ANKRD12: variants seen among roughly 807,000 people sequenced by gnomAD.
ANKRD12 encodes the protein ankyrin repeat domain 12.
A neutral mutation model predicts 183.4 loss-of-function variants in ANKRD12; 85 were observed. The observed-to-expected ratio is 0.46, with a 90% confidence interval of 0.39 to 0.56. The LOEUF (loss-of-function observed/expected upper bound fraction) is 0.56, where lower values mean the gene tolerates loss of function less well. ANKRD12 is among the 20% of genes least tolerant of loss of function. The pLI is 0.00. For synonymous variants in ANKRD12, 914 were observed against 800.2 expected, an observed-to-expected ratio of 1.14 and a Z score of -2.40; for missense variants, 2,405 against 2,357.1, an observed-to-expected ratio of 1.02 and a Z score of -0.42.
chr18:9,168,313 C>T (rs963335874), intron 1 of ANKRD12, among the ~76,000 whole-genome samples: 1 of 151,322 alleles, frequency 6.6e-6, no homozygotes, highest in Non-Finnish European at 1.5e-5. Context: ...CCTCCTTGTA[C>T]CTCTGGTAGA....
chr18:9,223,269 T>G (rs1340834702), intron 8 of ANKRD12, among the ~76,000 whole-genome samples: 3 of 151,722 alleles, frequency 2.0e-5, no homozygotes, highest in African/African-American at 7.2e-5. Flanking sequence ...CTTTTTTTTT[T>G]TTGAGGTGGA....
chr18:9,244,984 A>G (rs1417339994), intron 8 of ANKRD12, among the ~76,000 whole-genome samples: 1 of 152,142 alleles, frequency 6.6e-6, no homozygotes, highest in Non-Finnish European at 1.5e-5. Flanking sequence ...GTGACTTTCT[A>G]CCATGAAGTT....
At chr18:9,275,794 C>A in intron 11 of ANKRD12, 127 bp downstream of exon 11, 1 of 904,100 alleles carries the variant, frequency 1.1e-6, no homozygotes, top group Non-Finnish European at 1.6e-6. Context: ...AGAAAAAAAA[C>A]TCTTTCAAGC....
intron 5 of ANKRD12, among the ~76,000 whole-genome samples, chr18:9,210,005 A>AT (rs926691936): frequency 8.6e-5 from 13 of 151,372 alleles, no homozygotes; most frequent in South Asian, 4.2e-4. Context: ...TTATGGGTTA[A>AT]TTTTTTTTTC....
At chr18:9,272,580 GAA>G (rs1265436938) in intron 10 of ANKRD12, among the ~76,000 whole-genome samples, 1 of 151,702 alleles carries the variant, frequency 6.6e-6, no homozygotes, top group Non-Finnish European at 1.5e-5. Flanking sequence ...AAAGAAAAAA[GAA>G]AAAGTTATTT....
chr18:9,145,818 G>A (rs1376289304), intron 1 of ANKRD12, among the ~76,000 whole-genome samples: 2 of 152,182 alleles, frequency 1.3e-5, no homozygotes, highest in African/African-American at 4.8e-5. Flanking sequence ...AATTTAAATA[G>A]GAGGTAACTA....
intron 8 of ANKRD12, among the ~76,000 whole-genome samples, chr18:9,227,528 C>T (rs2036791876): frequency 6.6e-6 from 1 of 152,156 alleles, no homozygotes; most frequent in Non-Finnish European, 1.5e-5. Flanking sequence ...AATATAAGAT[C>T]TTACCGAAAG....
At chr18:9,263,709 A>G (rs1235882147) in intron 9 of ANKRD12, 81 bp from the exon 10 acceptor site, 6 of 1,091,308 alleles carry the variant, frequency 5.5e-6, no homozygotes, top group Non-Finnish European at 7.4e-6. Context: ...TTTATGCACT[A>G]AAAGGGTTTA....
intron 8 of ANKRD12, among the ~76,000 whole-genome samples, chr18:9,233,306 A>G (rs929379325): frequency 4.6e-5 from 7 of 151,816 alleles, no homozygotes; most frequent in African/African-American, 1.5e-4. Flanking sequence ...TAAATTTCTC[A>G]TTCCTATCTT....
At chr18:9,177,966 AAG>A (rs34571746) in intron 1 of ANKRD12, among the ~76,000 whole-genome samples, 16,812 of 152,226 alleles carry the variant, frequency 0.11, 1,083 homozygotes, top group African/African-American at 0.16. Context: ...ATTGATTCAT[AAG>A]AGTTATTTAT....
chr18:9,265,292 C>T (rs947379684), intron 10 of ANKRD12, among the ~76,000 whole-genome samples: 1 of 152,220 alleles, frequency 6.6e-6, no homozygotes, highest in Admixed American at 6.5e-5. Flanking sequence ...TCTCCCAGCA[C>T]ACAGCTGGAG....
At chr18:9,277,712 G>A (rs367724619) in intron 11 of ANKRD12, among the ~76,000 whole-genome samples, 1 of 131,970 alleles carries the variant, frequency 7.6e-6, no homozygotes, top group South Asian at 2.2e-4. Context: ...AATTGAGGTG[G>A]GAAACTGTTA....
chr18:9,273,446 C>T (rs1013206165), intron 10 of ANKRD12, among the ~76,000 whole-genome samples: 3 of 152,160 alleles, frequency 2.0e-5, no homozygotes, highest in East Asian at 1.9e-4. Context: ...TACCACTTCA[C>T]GCCCAGTAGA....
intron 1 of ANKRD12, among the ~76,000 whole-genome samples, chr18:9,168,136 A>G (rs536375747): frequency 6.6e-6 from 1 of 152,134 alleles, no homozygotes; most frequent in Admixed American, 6.5e-5. Context: ...TTTATCGAGG[A>G]TTTTTGCATC....
intron 8 of ANKRD12, among the ~76,000 whole-genome samples, chr18:9,222,490 AT>A (rs1358776202): frequency 1.2e-3 from 177 of 149,352 alleles, no homozygotes; most frequent in African/African-American, 4.2e-3. Context: ...TTTAAACACA[AT>A]TTTTTTTTAA....
rs751560438 is a variant in ANKRD12 at position 9,255,171 on chromosome 18, A to C, written c.1904A>C (p.Asn635Thr). Residue 635 changes from asparagine to threonine, a missense_variant, in exon 9 of 13, where the codon AAT (asparagine) becomes ACT (threonine). Physicochemically the swap from Asn to Thr is moderately conservative, Grantham distance 65. Around this residue, in one of 7 missense-constraint regions of ANKRD12, gnomAD observed 1,983 missense variants for 1,725.9 expected, o/e 1.15. Coordinates refer to ENST00000262126, the MANE Select transcript of ANKRD12 (RefSeq NM_015208.5). Reference protein sequence around the residue: ...KDEDHSPTFENSDCTLKKMDK... With the variant: ...KDEDHSPTFETSDCTLKKMDK... ...GAAGATCATAGTCCAACATTTGAAAATTCAGATTGCACACTGAAAAAAATG... is the reference window on the plus strand; with the variant it reads ...GAAGATCATAGTCCAACATTTGAAACTTCAGATTGCACACTGAAAAAAATG... 6.3e-7 allele frequency: 1 copy of C among 1,588,822 alleles called. No homozygotes were observed. The highest frequency in any genetic ancestry group is 8.5e-7 in the Non-Finnish European group (1 of 1,172,764).
intron 7 of ANKRD12, 62 bp from the exon 8 acceptor site, chr18:9,221,790 G>A (rs908256838): frequency 2.1e-5 from 33 of 1,542,804 alleles, no homozygotes; most frequent in Non-Finnish European, 2.8e-5. Context: ...ATTATCAAGA[G>A]AATGGGTGCA....
chr18:9,240,394 T>C (rs2037592695), intron 8 of ANKRD12, among the ~76,000 whole-genome samples: 1 of 152,214 alleles, frequency 6.6e-6, no homozygotes, highest in Non-Finnish European at 1.5e-5. Context: ...TTGCTTCAAA[T>C]GATTGCTTCT....
chr18:9,156,137 C>CAAA (rs34154495), intron 1 of ANKRD12, among the ~76,000 whole-genome samples: 51,238 of 103,442 alleles, frequency 0.5, 13,169 homozygotes, highest in South Asian at 0.69. Flanking sequence ...GACTCTGTCT[C>CAAA]AAAAAAAAAA....
Sources: gnomAD v4.1 joint callset for allele counts (sites outside exome capture counted in the v4.1 genomes callset) on GRCh38, gnomAD v4.1.1 for gene constraint, gnomAD v4.1.1 regional missense constraint, MANE v1.5 for transcripts, NCBI Gene and HGNC (gene_info 2026-07-23, HGNC 2026-07-21) for gene names.